LARP4B: variants seen among roughly 807,000 people sequenced by gnomAD.
The protein encoded by LARP4B is la-related protein 4B.
In LARP4B, 12 loss-of-function variants were observed where a neutral mutation model predicts 89.8. That is an observed-to-expected ratio of 0.13 (90% CI 0.09 to 0.22). The LOEUF (loss-of-function observed/expected upper bound fraction) is 0.22, where lower values mean the gene tolerates loss of function less well. LARP4B is among the 10% of genes least tolerant of loss of function. The pLI, the probability that LARP4B is intolerant of heterozygous loss-of-function variation, is 1.00. For missense variants in LARP4B, 757 were observed against 947.7 expected (o/e 0.80, Z 2.64); for synonymous variants, 367 against 363.3 (o/e 1.01, Z -0.12).
At position 809,925 on chromosome 10, in the gene LARP4B, G is replaced by A. The variant is rs1831682542; in HGVS notation, c.*3001C>T. ...AATATAGCAACGCAGGACGTTTACG[G>A]CCACCCGCCAGTGACAGCCGGTGAT... is the stretch of plus-strand genomic sequence containing the variant. On this transcript the variant is annotated 3_prime_UTR_variant, in exon 18 of 18. Transcript: ENST00000316157. 6.6e-6 allele frequency: 1 copy of A among 152,196 alleles called. No individual in the cohort carries two copies. The highest frequency in any genetic ancestry group is 2.1e-4 in the South Asian group (1 of 4,834). The allele number at this position is 152,196 out of a possible 1,614,324, so 9.4% of individuals were successfully genotyped here.
intron 1 of LARP4B, among the ~76,000 whole-genome samples, chr10:925,978 T>C (rs112306142): frequency 5.9e-5 from 9 of 152,382 alleles, no homozygotes; most frequent in South Asian, 4.1e-4. Context: ...TTATACTCTA[T>C]AAGAAACTTT....
At chr10:911,176 ATAAT>A (rs1836655093) in intron 1 of LARP4B, among the ~76,000 whole-genome samples, 1 of 152,204 alleles carries the variant, frequency 6.6e-6, no homozygotes, top group African/African-American at 2.4e-5. Context: ...AGTGTCTAAA[ATAAT>A]TAATCTGTGT....
intron 5 of LARP4B, among the ~76,000 whole-genome samples, chr10:862,385 A>C (rs114582324): frequency 0.011 from 1,739 of 151,964 alleles, 32 homozygotes; most frequent in African/African-American, 0.04. Context: ...GCCTTACAGC[A>C]TCGAGGTCTG....
the LARP4B span, among the ~76,000 whole-genome samples, chr10:963,660 T>A: frequency 6.6e-6 from 1 of 152,194 alleles, no homozygotes; most frequent in African/African-American, 2.4e-5. Context: ...TCTGAGTCCA[T>A]TTTGCAACAC....
chr10:821,865 G>C (rs1006385651), intron 13 of LARP4B, among the ~76,000 whole-genome samples: 4 of 152,212 alleles, frequency 2.6e-5, no homozygotes, highest in Non-Finnish European at 5.9e-5. Context: ...CTTTCTACTG[G>C]TGCCTTGCGG....
At chr10:866,944 G>A (rs967771213) in intron 3 of LARP4B, among the ~76,000 whole-genome samples, 7 of 152,202 alleles carry the variant, frequency 4.6e-5, no homozygotes, top group African/African-American at 1.7e-4. Flanking sequence ...TTTCCTCACT[G>A]TAGTACTGCT....
chr10:952,339 CAAAAA>C, the LARP4B span, among the ~76,000 whole-genome samples: 7 of 16,952 alleles, frequency 4.1e-4, no homozygotes, highest in African/African-American at 8.3e-4. Context: ...GACTCCATCT[CAAAAA>C]AAAAAAAAAA....
intron 5 of LARP4B, among the ~76,000 whole-genome samples, chr10:847,700 T>C (rs552599058): frequency 4.6e-5 from 7 of 151,860 alleles, no homozygotes; most frequent in Non-Finnish European, 8.8e-5. Flanking sequence ...CTAATTTTTT[T>C]TGGTATTTTT....
At chr10:855,093 A>C (rs941755249) in intron 5 of LARP4B, among the ~76,000 whole-genome samples, 2 of 152,172 alleles carry the variant, frequency 1.3e-5, no homozygotes, top group Admixed American at 6.5e-5. Context: ...TAAGAGAGTT[A>C]AGGTCTTGCT....
In LARP4B at chr10:814,158, C is replaced by A. The variant is rs958617716; in HGVS notation, c.1929+584G>T. 6.6e-6 allele frequency among the ~76,000 whole-genome samples: 1 copy of A among 151,772 alleles called. No homozygotes were observed. The highest frequency in any genetic ancestry group is 2.4e-5 in the African/African-American group (1 of 41,326). ...TTATTAATTTTAACCTATAAAAAAT[C>A]CTTTTTTAGACTCAGCCCAGGGGAC... On this transcript the variant is annotated intron_variant, in intron 17 of 17. Transcript: ENST00000316157. The surrounding 1 kb of genome is among the most constrained non-coding windows in gnomAD (Gnocchi z 4.4).
intron 3 of LARP4B, among the ~76,000 whole-genome samples, chr10:882,575 G>GACGGGGTTTCACCGTGTTAGCC (rs1835713643): frequency 6.6e-6 from 1 of 152,098 alleles, no homozygotes; most frequent in Admixed American, 6.6e-5. Context: ...TTTTAGTAGG[G>GACGGGGTTTCACCGTGTTAGCC]ACGGGGTTTC....
At chr10:883,754 G>A (rs1266643344) in intron 3 of LARP4B, among the ~76,000 whole-genome samples, 1 of 149,880 alleles carries the variant, frequency 6.7e-6, no homozygotes, top group African/African-American at 2.5e-5. Flanking sequence ...GGGCAACACA[G>A]TGAGACCTCG....
intron 1 of LARP4B, among the ~76,000 whole-genome samples, chr10:925,813 C>A (rs112948453): frequency 6.6e-6 from 1 of 152,096 alleles, no homozygotes; most frequent in Non-Finnish European, 1.5e-5. Flanking sequence ...GGATTACAGG[C>A]GTGAATCAAA....
chr10:960,613 C>T, the LARP4B span, among the ~76,000 whole-genome samples: 4 of 146,834 alleles, frequency 2.7e-5, no homozygotes, highest in Non-Finnish European at 5.9e-5. Flanking sequence ...GAGGCTGAGG[C>T]AGGAGAATCA....
rs1831717211 is a variant in LARP4B, at chr10:810,736, A to G, written c.*2190T>C. 1 of 151,280 alleles carries G rather than the reference A, an allele frequency of 6.6e-6. No homozygotes were observed. Among genetic ancestry groups the G allele is most frequent in the African/African-American group, 2.4e-5 (1 of 41,140 alleles). 9.4% of individuals were successfully genotyped at this position (151,280 alleles called of 1,614,324 possible). A position where few individuals can be genotyped will look rare whatever the true frequency, so the allele number is the denominator to read the frequency against. On this transcript the variant is annotated 3_prime_UTR_variant, in exon 18 of 18. Transcript: ENST00000316157. The stretch of plus-strand genomic sequence containing the variant: ...GGCCCAGGCCTCGAGGTTGCCTCCC[A>G]GCTTTCTGAGTATTGAGAGTTTGGG...
In LARP4B at chr10:825,232, G is replaced by C; in HGVS notation, c.1317C>G (p.Asn439Lys). The C allele has an allele frequency of 6.2e-7, 1 of 1,614,172 alleles. No individual in the cohort carries two copies. Among genetic ancestry groups the C allele is most frequent in the Non-Finnish European group, 8.5e-7 (1 of 1,180,012 alleles). The change falls in exon 13 of 18, where the codon AAC becomes AAG. Residue 439 changes from asparagine to lysine, a missense_variant. Transcript: ENST00000316157. ...CATTAATTAATCGATCTGCAGTGAA[G>C]TTAAATATTGAAGGACTTTCTAATA... Reference protein sequence around the residue: ...PGLLESPSIFNFTADRLINGV... With the variant: ...PGLLESPSIFKFTADRLINGV...
chr10:844,263 C>A (rs897356729), intron 6 of LARP4B, among the ~76,000 whole-genome samples: 1 of 152,216 alleles, frequency 6.6e-6, no homozygotes, highest in Non-Finnish European at 1.5e-5. Flanking sequence ...GGTGCCCCTG[C>A]ACCTTTTGCG....
At chr10:854,405 T>C (rs1326778006) in intron 5 of LARP4B, among the ~76,000 whole-genome samples, 2 of 152,190 alleles carry the variant, frequency 1.3e-5, no homozygotes, top group African/African-American at 4.8e-5. Context: ...ATGAAATGTA[T>C]TTTTTAAATA....
the LARP4B span, among the ~76,000 whole-genome samples, chr10:970,402 C>T: frequency 1.3e-5 from 2 of 152,308 alleles, 1 homozygote; most frequent in East Asian, 3.9e-4. Flanking sequence ...GGGTGTCACA[C>T]ACTGGATTAA....
Sources: gnomAD v4.1 joint callset for allele counts (sites outside exome capture counted in the v4.1 genomes callset) on GRCh38, gnomAD v4.1.1 for gene constraint, Gnocchi (gnomAD v3.1) non-coding constraint, MANE v1.5 for transcripts, NCBI Gene and HGNC (gene_info 2026-07-23, HGNC 2026-07-21) for gene names.